RBPMS: variants seen among roughly 807,000 people sequenced by gnomAD.
RBPMS encodes the protein RNA-binding protein with multiple splicing.
A neutral mutation model predicts 26.8 loss-of-function variants in RBPMS; 7 were observed. The observed-to-expected ratio is 0.26, with a 90% CI of 0.15 to 0.49. The LOEUF is 0.49. Ranked by LOEUF, RBPMS falls within the 20% of genes least tolerant of loss-of-function variation. The pLI, the probability that RBPMS is intolerant of heterozygous loss-of-function variation, is 0.98. For missense variants in RBPMS, 186 were observed against 250.0 expected (o/e 0.74, Z 1.73); for synonymous variants, 96 against 93.3 (o/e 1.03, Z -0.17).
intron 1 of RBPMS, among the ~76,000 whole-genome samples, chr8:30,391,940 C>G (rs190522679): frequency 1.2e-3 from 176 of 151,852 alleles, no homozygotes; most frequent in Non-Finnish European, 2.2e-3. Context: ...TACTATGTGC[C>G]AAGCTGATGA....
intron 4 of RBPMS, 44 bp from the exon 5 acceptor site, chr8:30,504,242 C>T (rs776513825): frequency 9.9e-6 from 16 of 1,610,430 alleles, no homozygotes; most frequent in Non-Finnish European, 1.4e-5. Flanking sequence ...CGGTTTGACT[C>T]AAAGGAAATG....
chr8:30,410,717 C>T (rs1399661272), intron 1 of RBPMS, among the ~76,000 whole-genome samples: 11 of 137,574 alleles, frequency 8.0e-5, no homozygotes, highest in African/African-American at 3.6e-4. Flanking sequence ...TTTCTTTTTT[C>T]CTTTTTTTTT....
At chr8:30,385,308 G>C (rs1187050052) in intron 1 of RBPMS, 150 bp downstream of exon 1, 4 of 483,642 alleles carry the variant, frequency 8.3e-6, no homozygotes, top group Non-Finnish European at 1.4e-5. Flanking sequence ...GGGGAGGGTG[G>C]ATCTCGGGAG....
At chr8:30,480,026 G>A (rs985720266) in intron 4 of RBPMS, among the ~76,000 whole-genome samples, 1 of 152,090 alleles carries the variant, frequency 6.6e-6, no homozygotes, top group Non-Finnish European at 1.5e-5. Flanking sequence ...TTAGTATGTT[G>A]AAAAACTAAA....
At chr8:30,528,467 C>T (rs1823843568) in intron 5 of RBPMS, among the ~76,000 whole-genome samples, 1 of 152,092 alleles carries the variant, frequency 6.6e-6, no homozygotes, top group African/African-American at 2.4e-5. Flanking sequence ...TACCTGTGAC[C>T]ATGGTGGGTC....
intron 1 of RBPMS, among the ~76,000 whole-genome samples, chr8:30,450,179 C>G (rs1814390554): frequency 6.6e-6 from 1 of 152,208 alleles, no homozygotes; most frequent in Non-Finnish European, 1.5e-5. Flanking sequence ...TACATATAGA[C>G]ACTTTAAAAT....
intron 4 of RBPMS, among the ~76,000 whole-genome samples, chr8:30,497,168 T>C (rs1820049836): frequency 6.6e-6 from 1 of 152,228 alleles, no homozygotes; most frequent in African/African-American, 2.4e-5. Context: ...AAAAAATTCT[T>C]TCTGCTTCAT....
intron 5 of RBPMS, among the ~76,000 whole-genome samples, chr8:30,510,987 T>C (rs1289976895): frequency 6.6e-6 from 1 of 151,880 alleles, no homozygotes; most frequent in East Asian, 1.9e-4. Flanking sequence ...AGATATAAAG[T>C]CAGGATTTCA....
intron 1 of RBPMS, among the ~76,000 whole-genome samples, chr8:30,437,802 A>AG (rs981600580): frequency 6.6e-6 from 1 of 150,412 alleles, no homozygotes; most frequent in Non-Finnish European, 1.5e-5. Flanking sequence ...AAAAAAAAAA[A>AG]AAAAAGGTAG....
chr8:30,419,181 C>T (rs1193266462), intron 1 of RBPMS, among the ~76,000 whole-genome samples: 1 of 151,938 alleles, frequency 6.6e-6, no homozygotes, highest in South Asian at 2.1e-4. Context: ...CGCAATGGCT[C>T]AGGCCTATAA....
rs539939876 is a variant in RBPMS at position 30,393,655 on chromosome 8, C to CT, written c.66+8498dup. Among the ~76,000 whole-genome samples, 214 of 151,998 alleles carry CT rather than the reference C, an allele frequency of 1.4e-3. 1 individual carries two copies. The highest frequency in any genetic ancestry group is 4.8e-3 in the African/African-American group (201 of 41,456). On this transcript the variant is annotated intron_variant, in intron 1 of 8. Transcript: ENST00000397323. Reference sequence around the variant, plus strand: ...GCCTCAGCCTCCCAAGTAGCTGGGACTACAGGCACACGCCACCACACCTGG... The same window carrying CT: ...GCCTCAGCCTCCCAAGTAGCTGGGACTTACAGGCACACGCCACCACACCTGG...
At chr8:30,516,255 G>C (rs1304673717) in intron 5 of RBPMS, among the ~76,000 whole-genome samples, 1 of 152,040 alleles carries the variant, frequency 6.6e-6, no homozygotes, top group Non-Finnish European at 1.5e-5. Context: ...TGGAGGGTGG[G>C]GCACCTGTAA....
At chr8:30,387,669 T>C (rs1807271738) in intron 1 of RBPMS, among the ~76,000 whole-genome samples, 1 of 152,140 alleles carries the variant, frequency 6.6e-6, no homozygotes, top group Non-Finnish European at 1.5e-5. Flanking sequence ...CATGGAAAAA[T>C]GAGTCCAATC....
At chr8:30,547,111 G>A (rs1486876778) in intron 6 of RBPMS, among the ~76,000 whole-genome samples, 3 of 152,246 alleles carry the variant, frequency 2.0e-5, no homozygotes, top group African/African-American at 7.2e-5. Flanking sequence ...AAGGGCCCAA[G>A]AGAATCTTTA....
intron 5 of RBPMS, among the ~76,000 whole-genome samples, chr8:30,518,157 A>G (rs1017571643): frequency 6.6e-6 from 1 of 152,192 alleles, no homozygotes; most frequent in Admixed American, 6.5e-5. Flanking sequence ...CTGATAAAGG[A>G]GTATGGAGAC....
At position 30,385,168 on chromosome 8, in the gene RBPMS, G is replaced by A. The variant is rs764240588; in HGVS notation, c.66+10G>A. ...CCTTCAGGAGGAGGAGGTACTGGGC[G>A]GCTCGGTGTGGTGGCGGGGGCGACG... On this transcript the variant is annotated intron_variant, in intron 1 of 8. Coordinates refer to ENST00000397323, the MANE Select transcript of RBPMS (RefSeq NM_001008710.3). 1 of 1,481,944 alleles carries A rather than the reference G, an allele frequency of 6.7e-7. No homozygotes were observed. The highest frequency in any genetic ancestry group is 1.3e-5 in the South Asian group (1 of 75,106). The allele number at this position is 1,481,944 out of a possible 1,614,324, so 91.8% of individuals were successfully genotyped here.
At chr8:30,444,607 G>A (rs1201880376) in intron 1 of RBPMS, 1 of 152,194 alleles carries the variant, frequency 6.6e-6, no homozygotes, top group East Asian at 1.9e-4. Flanking sequence ...GTGGTTTAAA[G>A]TGGATGTAGT....
intron 5 of RBPMS, among the ~76,000 whole-genome samples, chr8:30,525,403 G>T (rs1563410328): frequency 6.6e-6 from 1 of 152,116 alleles, no homozygotes; most frequent in Non-Finnish European, 1.5e-5. Context: ...CAGTAATCCT[G>T]TAGAAACTTT....
At chr8:30,468,292 C>G (rs1816728949) in intron 1 of RBPMS, among the ~76,000 whole-genome samples, 1 of 152,112 alleles carries the variant, frequency 6.6e-6, no homozygotes, top group African/African-American at 2.4e-5. Flanking sequence ...ATATATTGAT[C>G]ACTATTCTGG....
Sources: gnomAD v4.1 joint callset for allele counts (sites outside exome capture counted in the v4.1 genomes callset) on GRCh38, gnomAD v4.1.1 for gene constraint, MANE v1.5 for transcripts, NCBI Gene and HGNC (gene_info 2026-07-23, HGNC 2026-07-21) for gene names.